Variants in ATP2B3 observed in about 807,000 individuals in gnomAD.
ATP2B3 encodes plasma membrane calcium-transporting ATPase 3.
In ATP2B3, 12 loss-of-function variants were observed where a neutral mutation model predicts 70.8. That is an observed-to-expected ratio of 0.17 (90% CI 0.11 to 0.27). The LOEUF is 0.27. ATP2B3 is among the 10% of genes least tolerant of loss of function. The pLI is 1.00. For synonymous variants in ATP2B3, 460 were observed against 497.8 expected, an observed-to-expected ratio of 0.92 and a Z score of 1.01; for missense variants, 858 against 1,118.5, an observed-to-expected ratio of 0.77 and a Z score of 3.32.
intron 9 of ATP2B3, among the ~76,000 whole-genome samples, chrX:153,548,408 C>T (rs1323507746): frequency 3.6e-5 from 4 of 111,542 alleles, no homozygotes; most frequent in Non-Finnish European, 5.7e-5. Context: ...ACAAAGTCCA[C>T]TCCCCAACCC....
intron 11 of ATP2B3, 142 bp downstream of exon 11, chrX:153,549,881 C>T (rs1346671940): frequency 5.6e-6 from 6 of 1,067,606 alleles, no homozygotes; most frequent in Non-Finnish European, 7.4e-6. Context: ...TCACAGGTGG[C>T]TCTGGCTGGG....
chrX:153,529,632 T>C (rs370433053), intron 2 of ATP2B3, among the ~76,000 whole-genome samples: 205 of 112,299 alleles, frequency 1.8e-3, no homozygotes, highest in Non-Finnish European at 2.1e-3. Flanking sequence ...AGCACATTCA[T>C]GGTGCTGTGC....
chrX:153,519,326 A>G (rs782011644), intron 2 of ATP2B3, among the ~76,000 whole-genome samples: 23 of 112,307 alleles, frequency 2.0e-4, no homozygotes, highest in African/African-American at 6.5e-4. Context: ...GCAGATGGCT[A>G]GGGACATTCC....
At chrX:153,575,654 G>A (rs1358361868) in intron 21 of ATP2B3, among the ~76,000 whole-genome samples, 2 of 111,983 alleles carry the variant, frequency 1.8e-5, no homozygotes, top group Non-Finnish European at 3.8e-5. Flanking sequence ...GGGGCCGGGG[G>A]GGTTGGGCCT....
At chrX:153,534,877 G>A (rs2090167690) in intron 2 of ATP2B3, among the ~76,000 whole-genome samples, 1 of 113,307 alleles carries the variant, frequency 8.8e-6, no homozygotes, top group Admixed American at 9.3e-5. Flanking sequence ...CATGGACTTG[G>A]CCGTGTCTGC....
In ATP2B3 at chrX:153,559,805, C is replaced by T. The variant is rs1348321658; in HGVS notation, c.2702C>T (p.Thr901Met). Reference protein sequence around the residue: ...MDTFASLALATEPPTESLLLR... With the variant: ...MDTFASLALAMEPPTESLLLR... ...ACATTTGCCTCTCTGGCCCTGGCGA[C>T]GGAGCCACCCACAGAGTCGCTGCTG... The change falls in exon 18 of 22, where the codon ACG becomes ATG. Residue 901 changes from threonine (T) to methionine (M), a missense_variant. Transcript: ENST00000263519. 5 of 1,211,983 alleles carry T rather than the reference C, an allele frequency of 4.1e-6. No homozygotes were observed. Among genetic ancestry groups the T allele is most frequent in the Non-Finnish European group, 5.6e-6 (5 of 895,542 alleles).
At position 153,547,320 on chromosome X, in the gene ATP2B3, G is replaced by A. The variant is rs781803270; in HGVS notation, c.959-515G>A. Among the ~76,000 whole-genome samples, 746 of 110,994 alleles carry A rather than the reference G, an allele frequency of 6.7e-3. 5 individuals are homozygous for A. The highest frequency in any genetic ancestry group is 9.8e-3 in the Non-Finnish European group (516 of 52,787). On this transcript the variant is annotated intron_variant, in intron 8 of 21. Transcript: ENST00000263519. Reference sequence around the variant, plus strand: ...CACCAGGGAAGAAGGGAGAGGAGCCGTCTGCTCCAGGGGAGAGGCAGGGAG... The same window carrying A: ...CACCAGGGAAGAAGGGAGAGGAGCCATCTGCTCCAGGGGAGAGGCAGGGAG...
chrX:153,556,841 A>T (rs781960495), intron 15 of ATP2B3, 76 bp from the exon 16 acceptor site: 54 of 1,054,877 alleles, frequency 5.1e-5, no homozygotes, highest in Non-Finnish European at 7.8e-6. Flanking sequence ...CTACCCCCAT[A>T]GCTCCCTGGG....
rs782248552 is a variant in ATP2B3 at position 153,538,471 on chromosome X, G to A, written c.208+2016G>A. Among the ~76,000 whole-genome samples the A allele has an allele frequency of 1.9e-4, 21 of 113,191 alleles. 1 individual carries two copies. In the South Asian group the frequency reaches 7.2e-3, roughly 39 times the overall value. On this transcript the variant is annotated intron_variant, in intron 3 of 21. Coordinates refer to ENST00000263519, the MANE Select transcript of ATP2B3 (RefSeq NM_001001344.3). ...TTCCAGAACCCATCCTGGAAACCGCGCTGCTGTTGTCAGGAAACCTGGGTC... is the reference window on the plus strand; with the variant it reads ...TTCCAGAACCCATCCTGGAAACCGCACTGCTGTTGTCAGGAAACCTGGGTC...
At chrX:153,527,466 C>T (rs142551894) in intron 2 of ATP2B3, among the ~76,000 whole-genome samples, 5,437 of 112,886 alleles carry the variant, frequency 0.048, 197 homozygotes, top group African/African-American at 0.12. Context: ...GCAGCTCGCA[C>T]ACCCGCTGTA....
At chrX:153,556,848 T>TG in intron 15 of ATP2B3, 69 bp from the exon 16 acceptor site, 1 of 1,086,585 alleles carries the variant, frequency 9.2e-7, no homozygotes, top group Non-Finnish European at 1.3e-6. Context: ...CATAGCTCCC[T>TG]GGGCAGGGCT....
intron 2 of ATP2B3, among the ~76,000 whole-genome samples, chrX:153,519,754 CG>C (rs1556997241): frequency 8.9e-6 from 1 of 112,303 alleles, no homozygotes; most frequent in Non-Finnish European, 1.9e-5. Flanking sequence ...GTGCCCTGCA[CG>C]GCCAGGTGGT....
At chrX:153,524,921 G>A (rs1033778229) in intron 2 of ATP2B3, among the ~76,000 whole-genome samples, 10 of 111,913 alleles carry the variant, frequency 8.9e-5, no homozygotes, top group Non-Finnish European at 1.3e-4. Context: ...TCAGAGTTCC[G>A]AAGCCGCAGA....
intron 2 of ATP2B3, among the ~76,000 whole-genome samples, chrX:153,526,477 T>C (rs1221275105): frequency 8.9e-6 from 1 of 111,980 alleles, no homozygotes; most frequent in Admixed American, 9.4e-5. Flanking sequence ...CTCTGGGCTT[T>C]GCTGGAAAAG....
At chrX:153,577,084 A>G (rs1228620431) in intron 21 of ATP2B3, among the ~76,000 whole-genome samples, 4 of 112,563 alleles carry the variant, frequency 3.6e-5, no homozygotes, top group Non-Finnish European at 7.5e-5. Context: ...CAGCCCTTCC[A>G]TCCTGCAGCG....
At chrX:153,520,138 G>GAAGCC (rs782768180) in intron 2 of ATP2B3, among the ~76,000 whole-genome samples, 136 of 112,762 alleles carry the variant, frequency 1.2e-3, no homozygotes, top group African/African-American at 4.3e-3. Context: ...ACTAGCAGGA[G>GAAGCC]AAGCCAAGCC....
At chrX:153,571,169 G>A (rs2090783779) in intron 21 of ATP2B3, among the ~76,000 whole-genome samples, 1 of 112,256 alleles carries the variant, frequency 8.9e-6, no homozygotes, top group Non-Finnish European at 1.9e-5. Context: ...CGCCTCCAGT[G>A]CCCTAGACGT....
chrX:153,569,903 CGCCCAGACGG>C, intron 21 of ATP2B3: 2 of 639,075 alleles, frequency 3.1e-6, no homozygotes. Context: ...CAGTCCTTCC[CGCCCAGACGG>C]TGTCTCTCGA....
intron 2 of ATP2B3, among the ~76,000 whole-genome samples, chrX:153,535,580 T>A (rs890949312): frequency 1.3e-4 from 14 of 109,990 alleles, no homozygotes; most frequent in African/African-American, 4.7e-4. Flanking sequence ...GCCCCCCAGG[T>A]ACTCTCAGGG....
Sources: gnomAD v4.1 joint callset for allele counts (sites outside exome capture counted in the v4.1 genomes callset) on GRCh38, gnomAD v4.1.1 for gene constraint, MANE v1.5 for transcripts, NCBI Gene and HGNC (gene_info 2026-07-23, HGNC 2026-07-21) for gene names.